NSF: variants seen among roughly 807,000 people sequenced by gnomAD.
NSF encodes N-ethylmaleimide sensitive factor, vesicle fusing ATPase.
A neutral mutation model predicts 50.3 loss-of-function variants in NSF; 14 were observed. The observed-to-expected ratio is 0.28, with a 90% CI of 0.18 to 0.44. The LOEUF (loss-of-function observed/expected upper bound fraction) is 0.44, where lower values mean the gene tolerates loss of function less well. Among genes scored for constraint, NSF ranks in the 20% least tolerant of loss-of-function variants. The pLI, the probability that NSF is intolerant of heterozygous loss-of-function variation, is 1.00. For missense variants in NSF, 218 were observed against 504.3 expected (o/e 0.43, Z 5.44); for synonymous variants, 109 against 175.7 (o/e 0.62, Z 3.00).
intron 17 of NSF, among the ~76,000 whole-genome samples, chr17:46,733,701 A>G (rs1300362919): frequency 6.6e-6 from 1 of 152,206 alleles, no homozygotes; most frequent in African/African-American, 2.4e-5. Flanking sequence ...GCAGGAATTG[A>G]TATCTTAGTC....
chr17:46,733,868 G>C (rs1483151782), intron 17 of NSF, among the ~76,000 whole-genome samples: 1 of 152,202 alleles, frequency 6.6e-6, no homozygotes, highest in African/African-American at 2.4e-5. Flanking sequence ...TTATGATGTT[G>C]TTGAGAATAG....
intron 11 of NSF, 136 bp from the exon 12 acceptor site, chr17:46,694,339 A>G (rs2058574112): frequency 1.7e-6 from 1 of 584,840 alleles, no homozygotes; most frequent in Non-Finnish European, 2.9e-6. Flanking sequence ...GTGAGCTGAG[A>G]TCGTACCACT....
At chr17:46,606,135 C>T (rs1267569936) in intron 1 of NSF, among the ~76,000 whole-genome samples, 2 of 35,978 alleles carry the variant, frequency 5.6e-5, no homozygotes, top group African/African-American at 1.6e-4. Context: ...GCCGAAATCA[C>T]GCCATTGCAC....
At chr17:46,753,595 A>G (rs2059205015) in intron 19 of NSF, among the ~76,000 whole-genome samples, 1 of 151,638 alleles carries the variant, frequency 6.6e-6, no homozygotes, top group African/African-American at 2.4e-5. Flanking sequence ...CTTTTTTTTT[A>G]AGTTTCAGTA....
intron 1 of NSF, among the ~76,000 whole-genome samples, chr17:46,612,133 C>T (rs927177355): frequency 1.1e-4 from 8 of 69,586 alleles, no homozygotes; most frequent in African/African-American, 5.5e-4. Context: ...ACAAGATCTT[C>T]AACATCATAG....
Position 46,719,249 on chromosome 17 carries a change from G to C in NSF, c.1761+5263G>C, listed in dbSNP as rs2058804689. ...AAAAATATGTAACACATTAATTTTTGTTAAAGATGTGTGGTCTGAATTAGT... is the reference window on the plus strand; with the variant it reads ...AAAAATATGTAACACATTAATTTTTCTTAAAGATGTGTGGTCTGAATTAGT... On this transcript the variant is annotated intron_variant, in intron 15 of 20. Transcript: ENST00000398238. The surrounding 1 kb of genome is among the most constrained non-coding windows in gnomAD (Gnocchi z 4.3). 6.6e-6 allele frequency among the ~76,000 whole-genome samples: 1 copy of C among 152,082 alleles called. No individual in the cohort carries two copies. The highest frequency in any genetic ancestry group is 2.4e-5 in the African/African-American group (1 of 41,406).
intron 19 of NSF, among the ~76,000 whole-genome samples, chr17:46,752,600 C>T (rs984770655): frequency 7.9e-5 from 12 of 152,234 alleles, no homozygotes; most frequent in African/African-American, 2.2e-4. Flanking sequence ...GGACTACCAG[C>T]GTGTGCTACC....
At position 46,635,853 on chromosome 17, in the gene NSF, A is replaced by G. The variant is rs1246074569; in HGVS notation, c.239-1523A>G. Among the ~76,000 whole-genome samples the G allele has an allele frequency of 1.4e-4, 18 of 131,334 alleles. 1 individual carries two copies. Among genetic ancestry groups the G allele is most frequent in the African/African-American group, 4.8e-4 (17 of 35,292 alleles). 86.2% of individuals were successfully genotyped at this position (131,334 alleles called of 152,430 possible). ...TGAAGCCTTATTGAAGAGTAGCAATAGACTCTTTCTTACTAGGCGTAATCA... is the reference window on the plus strand; with the variant it reads ...TGAAGCCTTATTGAAGAGTAGCAATGGACTCTTTCTTACTAGGCGTAATCA... On this transcript the variant is annotated intron_variant, in intron 4 of 20. Coordinates refer to ENST00000398238, the MANE Select transcript of NSF (RefSeq NM_006178.4).
intron 17 of NSF, among the ~76,000 whole-genome samples, chr17:46,741,819 T>G (rs2146322716): frequency 6.6e-6 from 1 of 152,302 alleles, no homozygotes. Flanking sequence ...CAGGCTGGAG[T>G]GCAGTGGCGC....
intron 17 of NSF, among the ~76,000 whole-genome samples, chr17:46,733,360 C>A (rs1227907457): frequency 1.3e-5 from 2 of 149,348 alleles, no homozygotes; most frequent in Non-Finnish European, 3.0e-5. Flanking sequence ...TTTTTTTTTT[C>A]TTTTTGGGAG....
intron 15 of NSF, among the ~76,000 whole-genome samples, chr17:46,715,350 G>A (rs539808343): frequency 2.2e-4 from 34 of 152,090 alleles, no homozygotes; most frequent in Admixed American, 3.9e-4. Flanking sequence ...TTTGTTTTTC[G>A]TTTTCCCTCT....
chr17:46,747,205 T>C (rs2059138042), intron 17 of NSF, among the ~76,000 whole-genome samples: 1 of 151,888 alleles, frequency 6.6e-6, no homozygotes, highest in African/African-American at 2.4e-5. Flanking sequence ...AGAAAACAAA[T>C]TGGAAAAAGG....
At chr17:46,733,372 CAG>C (rs1345897771) in intron 17 of NSF, among the ~76,000 whole-genome samples, 2 of 151,782 alleles carry the variant, frequency 1.3e-5, no homozygotes, top group Admixed American at 6.6e-5. Flanking sequence ...TTTTGGGAGA[CAG>C]AGTGTCTGAA....
At chr17:46,741,860 A>G (rs1006610806) in intron 17 of NSF, among the ~76,000 whole-genome samples, 2 of 152,160 alleles carry the variant, frequency 1.3e-5, no homozygotes, top group African/African-American at 4.8e-5. Flanking sequence ...TCCGCCTCCC[A>G]GGTTCAAGCG....
intron 19 of NSF, among the ~76,000 whole-genome samples, chr17:46,753,268 G>A (rs2059201631): frequency 6.6e-6 from 1 of 152,218 alleles, no homozygotes. Flanking sequence ...CGGCAGAGGT[G>A]AAGTTTCTGT....
intron 17 of NSF, among the ~76,000 whole-genome samples, chr17:46,733,774 A>C (rs2058973347): frequency 6.6e-6 from 1 of 152,240 alleles, no homozygotes; most frequent in Non-Finnish European, 1.5e-5. Flanking sequence ...AACTTTTACA[A>C]AAGAAGAATT....
intron 15 of NSF, among the ~76,000 whole-genome samples, chr17:46,714,952 T>C (rs749055150): frequency 1.3e-5 from 2 of 152,192 alleles, no homozygotes; most frequent in Non-Finnish European, 2.9e-5. Context: ...TTTATAAAGA[T>C]GTATTGTAGA....
chr17:46,713,820 T>C (rs1438723049), intron 14 of NSF, 33 bp from the exon 15 acceptor site: 5 of 1,596,786 alleles, frequency 3.1e-6, no homozygotes, highest in Admixed American at 3.7e-5. Flanking sequence ...TAGGTTGGCT[T>C]TTTTCCCCTG....
chr17:46,710,985 AT>A lies in NSF; in HGVS notation c.1495del (p.Tyr499MetfsTer6). The A allele has an allele frequency of 6.3e-7, 1 of 1,594,872 alleles. No individual in the cohort carries two copies. Among genetic ancestry groups the A allele is most frequent in the Non-Finnish European group, 8.5e-7 (1 of 1,174,856 alleles). ...IKPAFGTNQEDYASYIMNGII... is the reference protein window; with the variant it reads ...IKPAFGTNQEXYASYIMNGII... ...TAGGCCTTTGGCACAAACCAAGAAG[AT>A]TATGCAAGTTACATTATGAACGGTA... On this transcript the variant is annotated frameshift_variant, in exon 14 of 21. Transcript: ENST00000398238. LOFTEE classifies it high-confidence loss of function.
Sources: allele counts gnomAD v4.1 joint callset (sites outside exome capture counted in the v4.1 genomes callset), GRCh38; gene constraint gnomAD v4.1.1; non-coding constraint Gnocchi (gnomAD v3.1); transcripts MANE v1.5; gene names NCBI Gene and HGNC (gene_info 2026-07-23, HGNC 2026-07-21).